The following LSAMP variants were observed in gnomAD, a reference collection of about 807,000 sequenced individuals.
The protein encoded by LSAMP is limbic system-associated membrane protein.
A neutral mutation model predicts 38.6 loss-of-function variants in LSAMP; 7 were observed. The observed-to-expected ratio is 0.18, with a 90% CI of 0.10 to 0.34. The LOEUF (loss-of-function observed/expected upper bound fraction) is 0.34, where lower values mean the gene tolerates loss of function less well. Ranked by LOEUF, LSAMP falls within the 10% of genes least tolerant of loss-of-function variation. The pLI, the probability that LSAMP is intolerant of heterozygous loss-of-function variation, is 1.00. For synonymous variants in LSAMP, 154 were observed against 166.8 expected (o/e 0.92, Z 0.59); for missense variants, 313 against 420.0 (o/e 0.75, Z 2.23).
chr3:116,292,925 C>G (rs1199560714), intron 1 of LSAMP, among the ~76,000 whole-genome samples: 1 of 152,140 alleles, frequency 6.6e-6, no homozygotes, highest in Non-Finnish European at 1.5e-5. Flanking sequence ...TAGTCCATAT[C>G]CTGTGGGAGG....
intron 3 of LSAMP, among the ~76,000 whole-genome samples, chr3:115,936,204 G>C (rs1937696624): frequency 6.6e-6 from 1 of 152,180 alleles, no homozygotes; most frequent in Admixed American, 6.5e-5. Flanking sequence ...TAGCGAGTCA[G>C]TATTCTTTGG....
intron 1 of LSAMP, among the ~76,000 whole-genome samples, chr3:116,164,109 G>T (rs1709972009): frequency 6.6e-6 from 1 of 152,062 alleles, no homozygotes; most frequent in South Asian, 2.1e-4. Flanking sequence ...TCATGAATAT[G>T]ACAAATATTT....
intron 3 of LSAMP, among the ~76,000 whole-genome samples, chr3:115,877,317 A>G (rs1261307010): frequency 6.6e-6 from 1 of 151,880 alleles, no homozygotes; most frequent in Non-Finnish European, 1.5e-5. Context: ...CCTTCATTCC[A>G]GAAACAAATG....
chr3:116,400,371 C>CT (rs955836107), intron 1 of LSAMP, among the ~76,000 whole-genome samples: 1 of 151,776 alleles, frequency 6.6e-6, no homozygotes, highest in Non-Finnish European at 1.5e-5. Flanking sequence ...TTCTTCCTTC[C>CT]TTTTTTTTCT....
intron 1 of LSAMP, among the ~76,000 whole-genome samples, chr3:116,104,768 C>T (rs1317685222): frequency 6.6e-6 from 1 of 152,154 alleles, no homozygotes; most frequent in African/African-American, 2.4e-5. Flanking sequence ...ACTAAGTCTG[C>T]TCACTCTACC....
chr3:116,033,083 A>G (rs1232559351), intron 2 of LSAMP, among the ~76,000 whole-genome samples: 1 of 152,184 alleles, frequency 6.6e-6, no homozygotes, highest in African/African-American at 2.4e-5. Flanking sequence ...ATTTTTCTAA[A>G]TAATGGTGAT....
In LSAMP at chr3:116,108,474, A is replaced by G. The variant is rs373173278; in HGVS notation, c.156-21918T>C. Among the ~76,000 whole-genome samples the G allele has an allele frequency of 1.3e-3, 199 of 152,212 alleles. 1 individual carries two copies. The highest frequency in any genetic ancestry group is 4.2e-3 in the African/African-American group (176 of 41,532). ...AGGTAATGTGGAGTGGGTAGCCTCC[A>G]TATTGATTAAGAAGGGGAAGGACTT... is the stretch of plus-strand genomic sequence containing the variant. On this transcript the variant is annotated intron_variant, in intron 1 of 6. Coordinates refer to ENST00000490035, the MANE Select transcript of LSAMP (RefSeq NM_002338.5).
At chr3:116,144,734 A>G (rs980713134) in intron 1 of LSAMP, among the ~76,000 whole-genome samples, 3 of 151,820 alleles carry the variant, frequency 2.0e-5, no homozygotes, top group Non-Finnish European at 4.4e-5. Flanking sequence ...TATTCTGTTG[A>G]TGAAAGTCTA....
intron 1 of LSAMP, among the ~76,000 whole-genome samples, chr3:116,427,804 A>ATGTT (rs1474220645): frequency 6.6e-6 from 1 of 152,136 alleles, no homozygotes; most frequent in Non-Finnish European, 1.5e-5. Flanking sequence ...CTAACTACCC[A>ATGTT]TGTTACACAC....
intron 2 of LSAMP, among the ~76,000 whole-genome samples, chr3:116,085,188 T>C (rs949620956): frequency 6.6e-6 from 1 of 152,170 alleles, no homozygotes; most frequent in East Asian, 1.9e-4. Flanking sequence ...TGCAAGCTAG[T>C]AGACATGCCT....
chr3:116,205,860 TTC>T (rs1217434660), intron 1 of LSAMP, among the ~76,000 whole-genome samples: 2 of 122,964 alleles, frequency 1.6e-5, no homozygotes, highest in Non-Finnish European at 3.4e-5. Flanking sequence ...TGGTCTAAAA[TTC>T]TCTTTTTTTG....
At chr3:116,232,971 C>T (rs920969008) in intron 1 of LSAMP, among the ~76,000 whole-genome samples, 1 of 151,992 alleles carries the variant, frequency 6.6e-6, no homozygotes, top group Non-Finnish European at 1.5e-5. Flanking sequence ...CAACCCCAAC[C>T]AGCCTTTCTC....
At chr3:115,965,762 A>G (rs1164284177) in intron 3 of LSAMP, among the ~76,000 whole-genome samples, 1 of 152,082 alleles carries the variant, frequency 6.6e-6, no homozygotes, top group Non-Finnish European at 1.5e-5. Context: ...TTATGAAAAG[A>G]TGAAACTTTA....
At chr3:116,108,468 G>A (rs886571334) in intron 1 of LSAMP, among the ~76,000 whole-genome samples, 7 of 152,104 alleles carry the variant, frequency 4.6e-5, no homozygotes, top group African/African-American at 1.4e-4. Flanking sequence ...GGAGTGGGTA[G>A]CCTCCATATT....
chr3:116,287,940 G>A (rs2047214347), intron 1 of LSAMP, among the ~76,000 whole-genome samples: 1 of 152,284 alleles, frequency 6.6e-6, no homozygotes, highest in East Asian at 1.9e-4. Flanking sequence ...GACTCAGGAA[G>A]CATGATATTT....
intron 1 of LSAMP, among the ~76,000 whole-genome samples, chr3:116,191,273 C>T (rs1285615942): frequency 1.3e-5 from 2 of 152,110 alleles, no homozygotes; most frequent in African/African-American, 4.8e-5. Context: ...ATCCTCCATA[C>T]ACAGAAACTG....
chr3:115,981,230 C>T (rs1198587539), intron 3 of LSAMP, among the ~76,000 whole-genome samples: 1 of 152,138 alleles, frequency 6.6e-6, no homozygotes, highest in African/African-American at 2.4e-5. Flanking sequence ...GTCCTGCCCT[C>T]CAAAGCTGAG....
chr3:116,372,496 A>G (rs912971493), intron 1 of LSAMP, among the ~76,000 whole-genome samples: 11 of 152,094 alleles, frequency 7.2e-5, no homozygotes, highest in African/African-American at 2.6e-4. Flanking sequence ...ACAACATTTG[A>G]TGGCAATGAT....
At chr3:115,989,603 C>T (rs1348664098) in intron 3 of LSAMP, among the ~76,000 whole-genome samples, 1 of 151,996 alleles carries the variant, frequency 6.6e-6, no homozygotes, top group Non-Finnish European at 1.5e-5. Context: ...AAATGCTTGA[C>T]TCTGTGTTAG....
Sources: gnomAD v4.1 joint callset for allele counts (sites outside exome capture counted in the v4.1 genomes callset) on GRCh38, gnomAD v4.1.1 for gene constraint, MANE v1.5 for transcripts, NCBI Gene and HGNC (gene_info 2026-07-23, HGNC 2026-07-21) for gene names.